MAP3K1: variants seen among roughly 807,000 people sequenced by gnomAD.
MAP3K1 encodes the protein MAP/ERK kinase kinase 1.
In MAP3K1, 36 loss-of-function variants were observed where a neutral mutation model predicts 144.2. The observed-to-expected ratio is 0.25, with a 90% confidence interval of 0.19 to 0.33. The LOEUF (loss-of-function observed/expected upper bound fraction) is 0.33, where lower values mean the gene tolerates loss of function less well. Among genes scored for constraint, MAP3K1 ranks in the 10% least tolerant of loss-of-function variants. The probability of loss-of-function intolerance (pLI) is 1.00; values close to 1 mark genes in which losing one functional copy is unlikely to be tolerated. For missense variants in MAP3K1, 1,650 were observed against 1,881.9 expected (o/e 0.88, Z 2.28); for synonymous variants, 718 against 688.7 (o/e 1.04, Z -0.67).
At chr5:56,893,440 T>C in intron 19 of MAP3K1, 91 bp from the exon 20 acceptor site, 2 of 1,328,936 alleles carry the variant, frequency 1.5e-6, no homozygotes, top group Non-Finnish European at 2.2e-6. Context: ...GTTCAGGATG[T>C]AAATGTAAGG....
At chr5:56,845,678 C>T (rs1222099377) in intron 1 of MAP3K1, among the ~76,000 whole-genome samples, 1 of 152,104 alleles carries the variant, frequency 6.6e-6, no homozygotes, top group Non-Finnish European at 1.5e-5. Flanking sequence ...ACTTACTGAT[C>T]TGTGTTCAAC....
intron 1 of MAP3K1, among the ~76,000 whole-genome samples, chr5:56,855,124 T>C (rs548538869): frequency 4.0e-5 from 6 of 151,516 alleles, no homozygotes; most frequent in Admixed American, 1.3e-4. Flanking sequence ...CCTCCTCCTT[T>C]TTCTCCTCCT....
intron 7 of MAP3K1, among the ~76,000 whole-genome samples, chr5:56,872,322 G>C (rs986617949): frequency 6.6e-6 from 1 of 152,154 alleles, no homozygotes. Flanking sequence ...ATGAAGGGAA[G>C]GAGGTGGAAG....
At chr5:56,893,213 C>T (rs1353760125) in intron 19 of MAP3K1, among the ~76,000 whole-genome samples, 1 of 152,076 alleles carries the variant, frequency 6.6e-6, no homozygotes, top group East Asian at 1.9e-4. Flanking sequence ...AATATGAGGA[C>T]AGCAGAATTC....
chr5:56,861,229 A>G (rs193216872), intron 3 of MAP3K1, among the ~76,000 whole-genome samples: 33 of 152,316 alleles, frequency 2.2e-4, no homozygotes, highest in Admixed American at 2.1e-3. Context: ...CCACATTACA[A>G]CTGCCTTTAA....
At chr5:56,831,516 G>C (rs1423147540) in intron 1 of MAP3K1, among the ~76,000 whole-genome samples, 1 of 151,870 alleles carries the variant, frequency 6.6e-6, no homozygotes, top group African/African-American at 2.4e-5. Flanking sequence ...TTTGTAATTC[G>C]AGTTTAATCA....
chr5:56,895,174 A>G lies in MAP3K1; in HGVS notation c.*1494A>G. 1 of 231,886 alleles carries G rather than the reference A, an allele frequency of 4.3e-6. No homozygotes were observed. Among genetic ancestry groups the G allele is most frequent in the Non-Finnish European group, 8.5e-6 (1 of 117,178 alleles). The allele number at this position is 231,886 out of a possible 1,614,324, so 14.4% of individuals were successfully genotyped here. ...CAAATTGGAAATAAAATAAGTTACA[A>G]GATAAGTTTACAGGGATATATTGCT... On this transcript the variant is annotated 3_prime_UTR_variant, in exon 20 of 20. Transcript: ENST00000399503.
chr5:56,893,494 G>T (rs1385294347), intron 19 of MAP3K1, 37 bp from the exon 20 acceptor site: 2 of 1,610,154 alleles, frequency 1.2e-6, no homozygotes, highest in Non-Finnish European at 1.7e-6. Context: ...AGAAGTTACA[G>T]TTGTGCAAAG....
chr5:56,871,802 A>G, intron 6 of MAP3K1, 108 bp from the exon 7 acceptor site: 1 of 984,130 alleles, frequency 1.0e-6, no homozygotes. Flanking sequence ...GATGCTCTTA[A>G]GAATTTCTAA....
chr5:56,835,276 A>C (rs569451607), intron 1 of MAP3K1, among the ~76,000 whole-genome samples: 2 of 152,176 alleles, frequency 1.3e-5, no homozygotes, highest in East Asian at 1.9e-4. Context: ...AGACCACTGC[A>C]GGTTAGGAGA....
In MAP3K1 at chr5:56,884,840, T is replaced by G. The variant is rs747755396; in HGVS notation, c.3982+14T>G. 6.2e-7 allele frequency: 1 copy of G among 1,611,990 alleles called. No individual in the cohort carries two copies. The highest frequency in any genetic ancestry group is 1.1e-5 in the South Asian group (1 of 90,944). On this transcript the variant is annotated intron_variant, in intron 16 of 19. Transcript: ENST00000399503. ...AATGGATGGCAGGTATGTTAATGTT[T>G]TAAATTACAAAATAGTAGTACGTGG... is the stretch of plus-strand genomic sequence containing the variant.
intron 1 of MAP3K1, among the ~76,000 whole-genome samples, chr5:56,819,976 G>A (rs549672653): frequency 1.7e-4 from 26 of 152,272 alleles, no homozygotes; most frequent in Admixed American, 3.9e-4. Context: ...GCCGGAATTA[G>A]TAAATGGTTC....
chr5:56,895,477 A>G lies in MAP3K1; in HGVS notation c.*1797A>G. ...CACTCTTGCCATTTTATGTACTGGA[A>G]GATCATTGGTCAGATGAATACTGTG... On this transcript the variant is annotated 3_prime_UTR_variant, in exon 20 of 20. Coordinates refer to ENST00000399503, the MANE Select transcript of MAP3K1 (RefSeq NM_005921.2). The G allele has an allele frequency of 4.3e-6, 1 of 231,604 alleles. No individual in the cohort carries two copies. Among genetic ancestry groups the G allele is most frequent in the Non-Finnish European group, 8.5e-6 (1 of 117,074 alleles). 14.3% of individuals were successfully genotyped at this position (231,604 alleles called of 1,614,324 possible).
intron 19 of MAP3K1, among the ~76,000 whole-genome samples, chr5:56,892,681 C>T (rs1748583541): frequency 6.6e-6 from 1 of 151,956 alleles, no homozygotes; most frequent in South Asian, 2.1e-4. Context: ...CAGACACTCA[C>T]TGAAAAAAAT....
In MAP3K1 at chr5:56,865,363, A is replaced by C; in HGVS notation, c.1059A>C (p.Thr353=). The C allele has an allele frequency of 6.2e-7, 1 of 1,610,488 alleles. No individual in the cohort carries two copies. The highest frequency in any genetic ancestry group is 8.5e-7 in the Non-Finnish European group (1 of 1,176,746). ...GPQNCSCARG[T]FCIHLLFVML... ...AGAACTGCAGCTGTGCACGTGGAAC[A>C]TTCTGTATTCATCTGCTATTTGTGA... The change falls in exon 5 of 20, where the codon ACA becomes ACC. Residue 353 remains threonine (T), a synonymous_variant. Coordinates refer to ENST00000399503, the MANE Select transcript of MAP3K1 (RefSeq NM_005921.2).
rs1156503436 is a variant in MAP3K1, at chr5:56,881,255, T to C, written c.2352T>C (p.Ala784=). 1.9e-6 allele frequency: 3 copies of C among 1,613,366 alleles called. No homozygotes were observed. The South Asian group carries it at 3.3e-5, about 18-fold the overall frequency. Residue 784 remains alanine, a synonymous_variant, in exon 13 of 20, where the codon GCT becomes GCC. Coordinates refer to ENST00000399503, the MANE Select transcript of MAP3K1 (RefSeq NM_005921.2). ...PHIVSTDVSQ[A]EPVEIRYKKL... ...TTGTCAGTACTGATGTTTCACAAGCTGAGCCTGTTGAAATCAGGTAATTTT... is the reference window on the plus strand; with the variant it reads ...TTGTCAGTACTGATGTTTCACAAGCCGAGCCTGTTGAAATCAGGTAATTTT...
At chr5:56,820,472 G>A (rs1255601677) in intron 1 of MAP3K1, 1 of 984,230 alleles carries the variant, frequency 1.0e-6, no homozygotes, top group African/African-American at 1.7e-5. Context: ...GCCTGTTAAT[G>A]TATATAATAG....
At chr5:56,823,392 C>T (rs1363117317) in intron 1 of MAP3K1, among the ~76,000 whole-genome samples, 9 of 152,228 alleles carry the variant, frequency 5.9e-5, no homozygotes, top group African/African-American at 9.6e-5. Flanking sequence ...CTCATTGACA[C>T]TTCCTCAGGG....
At chr5:56,816,158 G>A in intron 1 of MAP3K1, 103 bp downstream of exon 1, 8 of 1,102,894 alleles carry the variant, frequency 7.3e-6, no homozygotes, top group African/African-American at 1.6e-5. Flanking sequence ...TCAGCGCAGC[G>A]AGGCTACGCG....
Sources: gnomAD v4.1 joint callset for allele counts (sites outside exome capture counted in the v4.1 genomes callset) on GRCh38, gnomAD v4.1.1 for gene constraint, MANE v1.5 for transcripts, NCBI Gene and HGNC (gene_info 2026-07-23, HGNC 2026-07-21) for gene names.